GPR39: variants seen among roughly 807,000 people sequenced by gnomAD.
The protein encoded by GPR39 is G protein-coupled receptor 39, also known as zinc sensing receptor.
Under a neutral mutation model 18.4 loss-of-function variants are expected in GPR39, and 23 were observed. That is an observed-to-expected ratio of 1.25 (90% confidence interval 0.90 to 1.77). The LOEUF (loss-of-function observed/expected upper bound fraction) is 1.77. GPR39 is among the 40% of genes most tolerant of loss of function. The pLI, the probability that GPR39 is intolerant of heterozygous loss-of-function variation, is 0.00. For missense variants in GPR39, 647 were observed against 602.4 expected (o/e 1.07, Z -0.78); for synonymous variants, 280 against 257.9 (o/e 1.09, Z -0.82).
At chr2:132,504,366 A>G (rs752532951) in intron 1 of GPR39, among the ~76,000 whole-genome samples, 1 of 152,176 alleles carries the variant, frequency 6.6e-6, no homozygotes, top group Non-Finnish European at 1.5e-5. Context: ...TTTAGTTTCC[A>G]TCACCTGTGA....
Position 132,645,202 on chromosome 2 carries a change from C to T in GPR39, c.958C>T (p.Arg320Trp), listed in dbSNP as rs752146004. ...PKHDWTRSYFRAYMILLPFSE... is the reference protein window; with the variant it reads ...PKHDWTRSYFWAYMILLPFSE... ...GCACGACTGGACGAGGTCCTACTTC[C>T]GGGCGTACATGATCCTCCTCCCCTT... Residue 320 changes from arginine (R) to tryptophan (W), a missense_variant, in exon 2 of 2, where the codon CGG (arginine) becomes TGG (tryptophan). Arg to Trp is a moderately radical substitution (Grantham distance 101, BLOSUM62 -3). Transcript: ENST00000329321. The T allele has an allele frequency of 1.4e-5, 22 of 1,614,054 alleles. No homozygotes were observed. The highest frequency in any genetic ancestry group is 7.7e-5 in the South Asian group (7 of 91,088).
chr2:132,640,121 G>T (rs1291482511), intron 1 of GPR39, among the ~76,000 whole-genome samples: 2 of 152,082 alleles, frequency 1.3e-5, no homozygotes, highest in African/African-American at 4.8e-5. Context: ...CTCTAAGATG[G>T]AATTCTGGGG....
chr2:132,460,730 T>C (rs1009594631), intron 1 of GPR39, among the ~76,000 whole-genome samples: 4 of 152,172 alleles, frequency 2.6e-5, no homozygotes, highest in Admixed American at 6.5e-5. Flanking sequence ...CTTTTTTTTT[T>C]CCTTACCTTT....
chr2:132,628,172 G>T (rs1681586257), intron 1 of GPR39, among the ~76,000 whole-genome samples: 4 of 152,182 alleles, frequency 2.6e-5, no homozygotes, highest in Admixed American at 2.6e-4. Flanking sequence ...ACTCCTAGAA[G>T]AGTTCCAGAA....
intron 1 of GPR39, among the ~76,000 whole-genome samples, chr2:132,595,002 T>C (rs1000586270): frequency 1.3e-5 from 2 of 152,122 alleles, no homozygotes; most frequent in African/African-American, 4.8e-5. Flanking sequence ...TTGTTGTTGT[T>C]GTTTCCTTTT....
At chr2:132,615,862 G>T (rs1681324634) in intron 1 of GPR39, among the ~76,000 whole-genome samples, 1 of 151,734 alleles carries the variant, frequency 6.6e-6, no homozygotes, top group Non-Finnish European at 1.5e-5. Flanking sequence ...TCCTGCACTT[G>T]CCTGACACAG....
chr2:132,475,370 G>T (rs1434897314), intron 1 of GPR39, among the ~76,000 whole-genome samples: 1 of 151,784 alleles, frequency 6.6e-6, no homozygotes, highest in East Asian at 1.9e-4. Context: ...CTGGCTATTG[G>T]TCTGGAGGTC....
Position 132,514,549 on chromosome 2 carries a change from GT to G in GPR39, c.856+96653del, listed in dbSNP as rs549868146. ...TGCCTGATTTCTTCTCTCTAGCTCTGTTCCCCTCTGCCACTTACAGTCCCCA... is the reference window on the plus strand; with the variant it reads ...TGCCTGATTTCTTCTCTCTAGCTCTGTCCCCTCTGCCACTTACAGTCCCCA... On this transcript the variant is annotated intron_variant, in intron 1 of 1. Transcript: ENST00000329321. Among the ~76,000 whole-genome samples the G allele has an allele frequency of 2.0e-4, 31 of 152,234 alleles. No individual in the cohort carries two copies. The East Asian group carries it at 5.8e-3, about 29-fold the overall frequency.
intron 1 of GPR39, among the ~76,000 whole-genome samples, chr2:132,553,941 G>A (rs924210134): frequency 6.6e-6 from 1 of 152,198 alleles, no homozygotes; most frequent in African/African-American, 2.4e-5. Flanking sequence ...CATGGGTATT[G>A]TGGAATCAGA....
intron 1 of GPR39, among the ~76,000 whole-genome samples, chr2:132,609,012 G>C (rs1000207209): frequency 5.3e-5 from 8 of 152,180 alleles, no homozygotes; most frequent in African/African-American, 1.9e-4. Context: ...AAATGGGGAG[G>C]GGGTGCTGTT....
chr2:132,611,189 T>C (rs1681233807), intron 1 of GPR39, among the ~76,000 whole-genome samples: 1 of 152,234 alleles, frequency 6.6e-6, no homozygotes, highest in South Asian at 2.1e-4. Flanking sequence ...TGCAGGAAAA[T>C]TTGTCACTTC....
intron 1 of GPR39, among the ~76,000 whole-genome samples, chr2:132,445,968 C>A (rs1223943071): frequency 6.6e-6 from 1 of 152,074 alleles, no homozygotes; most frequent in African/African-American, 2.4e-5. Context: ...GCACAGGAGA[C>A]CTCGCAGGAG....
intron 1 of GPR39, among the ~76,000 whole-genome samples, chr2:132,584,791 C>T (rs186941162): frequency 3.1e-3 from 476 of 152,304 alleles, no homozygotes; most frequent in African/African-American, 5.0e-3. Context: ...GTCTATTAGA[C>T]GATTACCAGT....
At position 132,457,955 on chromosome 2, in the gene GPR39, TCTC is replaced by T. The variant is rs1386974119; in HGVS notation, c.856+40060_856+40062del. ...CTGCTGAGCCAGGCATGGGAAAGAA[TCTC>T]CTTGTCTGCCAGTTGCTAAGACCTT... On this transcript the variant is annotated intron_variant, in intron 1 of 1. Coordinates refer to ENST00000329321, the MANE Select transcript of GPR39 (RefSeq NM_001508.3). Among the ~76,000 whole-genome samples, 7 of 152,310 alleles carry T rather than the reference TCTC, an allele frequency of 4.6e-5. No homozygotes were observed. In the East Asian group the frequency reaches 9.7e-4, roughly 21 times the overall value.
chr2:132,533,532 T>C (rs145825647), intron 1 of GPR39, among the ~76,000 whole-genome samples: 54,210 of 143,984 alleles, frequency 0.38, 10,826 homozygotes, highest in East Asian at 0.69. Flanking sequence ...GAGCCCGCAT[T>C]GCCAAGTCAA....
At chr2:132,495,558 C>A (rs906674375) in intron 1 of GPR39, among the ~76,000 whole-genome samples, 2 of 152,096 alleles carry the variant, frequency 1.3e-5, no homozygotes, top group Non-Finnish European at 2.9e-5. Flanking sequence ...TCTTCACTGA[C>A]CTCGGCAGCA....
chr2:132,434,099 A>G (rs987412379), intron 1 of GPR39, among the ~76,000 whole-genome samples: 4 of 152,062 alleles, frequency 2.6e-5, no homozygotes, highest in Admixed American at 2.6e-4. Context: ...ATTGAGGAGA[A>G]AGGATATCTG....
chr2:132,531,650 T>C (rs531194997), intron 1 of GPR39, among the ~76,000 whole-genome samples: 1 of 152,262 alleles, frequency 6.6e-6, no homozygotes, highest in African/African-American at 2.4e-5. Flanking sequence ...ACAAACTATC[T>C]CTCAGACCAC....
chr2:132,519,055 A>G (rs891407442), intron 1 of GPR39, among the ~76,000 whole-genome samples: 4 of 152,336 alleles, frequency 2.6e-5, no homozygotes, highest in East Asian at 3.9e-4. Context: ...TGGTTGCTCA[A>G]TGATGATAAA....
Sources: gnomAD v4.1 joint callset for allele counts (sites outside exome capture counted in the v4.1 genomes callset) on GRCh38, gnomAD v4.1.1 for gene constraint, MANE v1.5 for transcripts, NCBI Gene and HGNC (gene_info 2026-07-23, HGNC 2026-07-21) for gene names.